The following PTPRM variants were observed in gnomAD, a reference collection of about 807,000 sequenced individuals.
The protein encoded by PTPRM is protein tyrosine phosphatase receptor type M.
Under a neutral mutation model 186.7 loss-of-function variants are expected in PTPRM, and 47 were observed. That is an observed-to-expected ratio of 0.25 (90% CI 0.20 to 0.32). PTPRM has a LOEUF of 0.32. Ranked by LOEUF, PTPRM falls within the 10% of genes least tolerant of loss-of-function variation. The probability of loss-of-function intolerance (pLI) is 1.00; values close to 1 mark genes in which losing one functional copy is unlikely to be tolerated. For synonymous variants in PTPRM, 668 were observed against 674.9 expected (o/e 0.99, Z 0.16); for missense variants, 1,494 against 1,865.0 (o/e 0.80, Z 3.66).
chr18:8,294,961 G>A (rs765156709), intron 19 of PTPRM, among the ~76,000 whole-genome samples: 1 of 152,188 alleles, frequency 6.6e-6, no homozygotes, highest in Non-Finnish European at 1.5e-5. Flanking sequence ...CGGTTGTATG[G>A]TAACAGCAGT....
chr18:8,380,941 T>A (rs1055020351), intron 29 of PTPRM, among the ~76,000 whole-genome samples: 1 of 152,140 alleles, frequency 6.6e-6, no homozygotes, highest in African/African-American at 2.4e-5. Flanking sequence ...AGGGTGACAG[T>A]GTCGGGGTGA....
intron 13 of PTPRM, among the ~76,000 whole-genome samples, chr18:8,115,906 G>A (rs1600656360): frequency 6.6e-6 from 1 of 152,142 alleles, no homozygotes; most frequent in Admixed American, 6.5e-5. Context: ...TTTTGTGCCA[G>A]GCATTGTGTG....
At chr18:7,783,037 A>C (rs2042930938) in intron 2 of PTPRM, among the ~76,000 whole-genome samples, 1 of 152,210 alleles carries the variant, frequency 6.6e-6, no homozygotes, top group South Asian at 2.1e-4. Flanking sequence ...GTGTTTTAAT[A>C]GTTTTATTTC....
At chr18:7,889,061 T>C (rs774822039) in intron 3 of PTPRM, among the ~76,000 whole-genome samples, 10 of 152,134 alleles carry the variant, frequency 6.6e-5, no homozygotes, top group Admixed American at 1.3e-4. Context: ...CTCAGAATCA[T>C]GCAGTTTACC....
intron 1 of PTPRM, among the ~76,000 whole-genome samples, chr18:7,772,635 A>G (rs2042382959): frequency 6.6e-6 from 1 of 151,954 alleles, no homozygotes; most frequent in Non-Finnish European, 1.5e-5. Context: ...TGAGTGCCTC[A>G]TCTATTCAGA....
At chr18:7,674,052 A>T (rs1330709735) in intron 1 of PTPRM, among the ~76,000 whole-genome samples, 1 of 152,158 alleles carries the variant, frequency 6.6e-6, no homozygotes, top group Non-Finnish European at 1.5e-5. Context: ...GGACTGAGGG[A>T]GCCTGTGCTT....
chr18:8,082,905 G>A (rs1387898231), intron 9 of PTPRM, among the ~76,000 whole-genome samples: 1 of 151,792 alleles, frequency 6.6e-6, no homozygotes, highest in South Asian at 2.1e-4. Flanking sequence ...CATTCTTTTC[G>A]ATACATGGGA....
At chr18:7,802,304 T>C (rs188507524) in intron 2 of PTPRM, among the ~76,000 whole-genome samples, 1 of 152,322 alleles carries the variant, frequency 6.6e-6, no homozygotes, top group Non-Finnish European at 1.5e-5. Context: ...AAGGGGCCAC[T>C]ACTGGGTCAG....
chr18:8,135,735 C>G (rs1235028206), intron 13 of PTPRM, among the ~76,000 whole-genome samples: 1 of 152,140 alleles, frequency 6.6e-6, no homozygotes, highest in Non-Finnish European at 1.5e-5. Context: ...CGTGTGAGTC[C>G]TCATCACAAT....
chr18:7,693,009 G>A (rs1430025865), intron 1 of PTPRM, among the ~76,000 whole-genome samples: 1 of 152,190 alleles, frequency 6.6e-6, no homozygotes, highest in East Asian at 1.9e-4. Context: ...TTTTTCAGGG[G>A]CACTGAATTT....
At chr18:8,348,563 C>A (rs2095518064) in intron 23 of PTPRM, among the ~76,000 whole-genome samples, 1 of 152,226 alleles carries the variant, frequency 6.6e-6, no homozygotes, top group Non-Finnish European at 1.5e-5. Flanking sequence ...TATTTTCCCT[C>A]TTTAATGAAC....
At chr18:7,797,148 G>C (rs1371377338) in intron 2 of PTPRM, among the ~76,000 whole-genome samples, 1 of 152,188 alleles carries the variant, frequency 6.6e-6, no homozygotes, top group Admixed American at 6.5e-5. Context: ...TGAGTCGAGT[G>C]TCTAGGGCTG....
At chr18:8,168,937 A>T (rs1235866196) in intron 14 of PTPRM, among the ~76,000 whole-genome samples, 1 of 152,224 alleles carries the variant, frequency 6.6e-6, no homozygotes, top group Non-Finnish European at 1.5e-5. Context: ...TTGCTCACCC[A>T]TAATCCAGAT....
chr18:7,616,558 G>C (rs1057179713), intron 1 of PTPRM, among the ~76,000 whole-genome samples: 1 of 152,160 alleles, frequency 6.6e-6, no homozygotes, highest in Non-Finnish European at 1.5e-5. Flanking sequence ...CTCTAGCTGA[G>C]TGTTGCTGGT....
chr18:7,978,484 T>G (rs1257911107), intron 7 of PTPRM, among the ~76,000 whole-genome samples: 2 of 152,216 alleles, frequency 1.3e-5, no homozygotes, highest in African/African-American at 4.8e-5. Flanking sequence ...CCATTAAATA[T>G]GCCTCGTGGC....
Position 8,238,284 on chromosome 18 carries a change from G to GTGTTTT in PTPRM, c.2301-5758_2301-5753dup, listed in dbSNP as rs535066910. Among the ~76,000 whole-genome samples, 3 of 152,028 alleles carry GTGTTTT rather than the reference G, an allele frequency of 2.0e-5. 1 individual carries two copies. The highest frequency in any genetic ancestry group is 1.9e-4 in the East Asian group (1 of 5,180). On this transcript the variant is annotated intron_variant, in intron 14 of 32. Transcript: ENST00000580170. ...GTTTTGGGATATTCTGACATTTTGT[G>GTGTTTT]TGTTTTTGTTTTTGTTTTTGTCTTT...
At chr18:8,077,586 G>A (rs2089896209) in intron 9 of PTPRM, among the ~76,000 whole-genome samples, 1 of 152,120 alleles carries the variant, frequency 6.6e-6, no homozygotes, top group African/African-American at 2.4e-5. Context: ...TCATGGCTCA[G>A]CTTTTATAGA....
intron 2 of PTPRM, among the ~76,000 whole-genome samples, chr18:7,790,689 A>T (rs2043299707): frequency 6.6e-6 from 1 of 152,238 alleles, no homozygotes; most frequent in South Asian, 2.1e-4. Flanking sequence ...ATTGGTGTGA[A>T]GCCCTTTAGA....
chr18:7,975,124 G>GCCTCC (rs1439177239), intron 7 of PTPRM, among the ~76,000 whole-genome samples: 1 of 152,198 alleles, frequency 6.6e-6, no homozygotes. Flanking sequence ...TCAAATGCTG[G>GCCTCC]GAGGATGTGG....
Sources: gnomAD v4.1 joint callset for allele counts (sites outside exome capture counted in the v4.1 genomes callset) on GRCh38, gnomAD v4.1.1 for gene constraint, MANE v1.5 for transcripts, NCBI Gene and HGNC (gene_info 2026-07-23, HGNC 2026-07-21) for gene names.